PRLR: variants seen among roughly 807,000 people sequenced by gnomAD.
PRLR encodes prolactin receptor.
In PRLR, 13 loss-of-function variants were observed where a neutral mutation model predicts 40.2. The ratio of observed to expected loss-of-function variants is 0.32; its 90% CI spans 0.21 to 0.51. PRLR has a LOEUF of 0.51. Among genes scored for constraint, PRLR ranks in the 20% least tolerant of loss-of-function variants. PRLR has a pLI of 0.97. For synonymous variants in PRLR, 269 were observed against 278.7 expected, an observed-to-expected ratio of 0.97 and a Z score of 0.35; for missense variants, 656 against 747.3, an observed-to-expected ratio of 0.88 and a Z score of 1.42.
chr5:35,215,422 T>C (rs2111655033), intron 1 of PRLR, among the ~76,000 whole-genome samples: 1 of 152,332 alleles, frequency 6.6e-6, no homozygotes, highest in East Asian at 1.9e-4. Context: ...CAGTAAATCA[T>C]GAACTCTTGG....
intron 1 of PRLR, among the ~76,000 whole-genome samples, chr5:35,185,316 T>C (rs184675618): frequency 6.6e-6 from 1 of 152,302 alleles, no homozygotes; most frequent in East Asian, 1.9e-4. Flanking sequence ...GGAATGAAAT[T>C]CTCTTTATTC....
rs544676926 is a variant in PRLR, at chr5:35,165,990, T to C, written c.-105-47868A>G. Among the ~76,000 whole-genome samples the C allele has an allele frequency of 5.9e-5, 9 of 152,276 alleles. No individual in the cohort carries two copies. In the East Asian group the frequency reaches 1.7e-3, roughly 29 times the overall value. ...TACCATTTGGTTGATAGTAATAGTTTCTATCCTCATATTCCTACACACAAC... is the reference window on the plus strand; with the variant it reads ...TACCATTTGGTTGATAGTAATAGTTCCTATCCTCATATTCCTACACACAAC... On this transcript the variant is annotated intron_variant, in intron 1 of 9. Coordinates refer to ENST00000618457, the MANE Select transcript of PRLR (RefSeq NM_000949.7).
intron 1 of PRLR, among the ~76,000 whole-genome samples, chr5:35,157,265 C>G (rs1416069421): frequency 6.6e-6 from 1 of 152,106 alleles, no homozygotes; most frequent in Admixed American, 6.5e-5. Flanking sequence ...GCACTTCTTA[C>G]CAGGTCTGAG....
chr5:35,100,183 C>CAAAAAAAAAAAAAAAAAAAAA (rs35912961), intron 2 of PRLR, among the ~76,000 whole-genome samples: 1 of 65,056 alleles, frequency 1.5e-5, no homozygotes. Flanking sequence ...GACTCTGTCT[C>CAAAAAAAAAAAAAAAAAAAAA]AAAAAAAAAA....
At chr5:35,115,466 G>A (rs575058611) in intron 2 of PRLR, among the ~76,000 whole-genome samples, 139 of 152,032 alleles carry the variant, frequency 9.1e-4, no homozygotes, top group Admixed American at 1.6e-3. Flanking sequence ...GGTAAGTGGT[G>A]GGGAAAAATA....
intron 5 of PRLR, chr5:35,081,828 C>A: frequency 6.4e-6 from 1 of 155,338 alleles, no homozygotes; most frequent in South Asian, 1.9e-4. Context: ...TCCTGGGCTA[C>A]ACTAAGCACC....
rs576669241 is a variant in PRLR, at chr5:35,158,223, G to A, written c.-105-40101C>T. 1.4e-3 allele frequency among the ~76,000 whole-genome samples: 218 copies of A among 152,298 alleles called. 1 individual carries two copies. The highest frequency in any genetic ancestry group is 2.4e-3 in the Non-Finnish European group (161 of 68,020). On this transcript the variant is annotated intron_variant, in intron 1 of 9. Coordinates refer to ENST00000618457, the MANE Select transcript of PRLR (RefSeq NM_000949.7). ...GCATCACAGTCTACTGAAATTGCTCGTATGCCTGCTGTTTATATGTTGTCT... is the reference window on the plus strand; with the variant it reads ...GCATCACAGTCTACTGAAATTGCTCATATGCCTGCTGTTTATATGTTGTCT...
chr5:35,222,817 G>A (rs1181749240), intron 1 of PRLR, among the ~76,000 whole-genome samples: 1 of 152,098 alleles, frequency 6.6e-6, no homozygotes, highest in Non-Finnish European at 1.5e-5. Flanking sequence ...TAGTCTCCTG[G>A]CCCAAGGCAA....
At chr5:35,197,096 G>C (rs968474113) in intron 1 of PRLR, among the ~76,000 whole-genome samples, 1 of 152,052 alleles carries the variant, frequency 6.6e-6, no homozygotes, top group Non-Finnish European at 1.5e-5. Flanking sequence ...GAGAGGTGTA[G>C]GTTCTTGGAA....
chr5:35,099,616 C>A (rs249531), intron 2 of PRLR, among the ~76,000 whole-genome samples: 8,487 of 152,146 alleles, frequency 0.056, 561 homozygotes, highest in East Asian at 0.18. Context: ...TTGTCATGAG[C>A]TGACAGCTCC....
intron 2 of PRLR, among the ~76,000 whole-genome samples, chr5:35,092,812 A>C (rs898883545): frequency 6.6e-6 from 1 of 152,188 alleles, no homozygotes; most frequent in African/African-American, 2.4e-5. Flanking sequence ...TAAAAATGCA[A>C]GTGGTGGATC....
intron 5 of PRLR, among the ~76,000 whole-genome samples, chr5:35,082,972 T>G (rs1770611422): frequency 6.6e-6 from 1 of 152,182 alleles, no homozygotes; most frequent in Non-Finnish European, 1.5e-5. Flanking sequence ...TCCCTTTTTT[T>G]GTGGGTCGCA....
At chr5:35,147,070 A>G (rs1269670776) in intron 1 of PRLR, among the ~76,000 whole-genome samples, 4 of 152,178 alleles carry the variant, frequency 2.6e-5, no homozygotes, top group African/African-American at 9.7e-5. Flanking sequence ...TCTTCCCAAA[A>G]TTATCCCATC....
intron 7 of PRLR, among the ~76,000 whole-genome samples, chr5:35,069,485 T>C (rs1769606790): frequency 6.6e-6 from 1 of 152,224 alleles, no homozygotes; most frequent in African/African-American, 2.4e-5. Context: ...AAGCTAGACT[T>C]TCCTGTGTGG....
At chr5:35,223,135 A>C (rs940312787) in intron 1 of PRLR, among the ~76,000 whole-genome samples, 2 of 152,242 alleles carry the variant, frequency 1.3e-5, no homozygotes, top group African/African-American at 4.8e-5. Context: ...AAAAGACTAC[A>C]TACAAATGTG....
chr5:35,228,239 A>AGG (rs1776601542), intron 1 of PRLR, among the ~76,000 whole-genome samples: 1 of 132,112 alleles, frequency 7.6e-6, no homozygotes, highest in East Asian at 2.0e-4. Flanking sequence ...ATGCAAAAAA[A>AGG]AAAAAAAAAA....
chr5:35,077,649 A>G (rs1056872525), intron 5 of PRLR, among the ~76,000 whole-genome samples: 2 of 152,206 alleles, frequency 1.3e-5, no homozygotes, highest in African/African-American at 2.4e-5. Context: ...GATCGACGAC[A>G]CAGAAAGTTA....
At chr5:35,107,091 T>G (rs1044755545) in intron 2 of PRLR, among the ~76,000 whole-genome samples, 1 of 152,132 alleles carries the variant, frequency 6.6e-6, no homozygotes, top group African/African-American at 2.4e-5. Context: ...ACCACACAAC[T>G]ACATGGAAAC....
chr5:35,135,718 T>A (rs1349413978), intron 1 of PRLR, among the ~76,000 whole-genome samples: 2 of 152,262 alleles, frequency 1.3e-5, no homozygotes, highest in Admixed American at 1.3e-4. Context: ...TTTCTGACCA[T>A]CTTTGTTAGA....
Sources: gnomAD v4.1 joint callset for allele counts (sites outside exome capture counted in the v4.1 genomes callset) on GRCh38, gnomAD v4.1.1 for gene constraint, MANE v1.5 for transcripts, NCBI Gene and HGNC (gene_info 2026-07-23, HGNC 2026-07-21) for gene names.